Variants in ROBO2 observed in about 807,000 individuals in gnomAD.
ROBO2 encodes the protein roundabout homolog 2.
ROBO2 carries 53 observed loss-of-function variants against 160.8 expected under a neutral mutation model. That is an observed-to-expected ratio of 0.33 (90% confidence interval 0.26 to 0.41). The LOEUF is 0.41. ROBO2 is among the 10% of genes least tolerant of loss of function. ROBO2 has a pLI of 1.00. For missense variants in ROBO2, 1,577 were observed against 1,722.4 expected (o/e 0.92, Z 1.49); for synonymous variants, 664 against 611.7 (o/e 1.09, Z -1.26).
intron 2 of ROBO2, among the ~76,000 whole-genome samples, chr3:76,641,622 A>G (rs2090679147): frequency 6.6e-6 from 1 of 152,210 alleles, no homozygotes; most frequent in South Asian, 2.1e-4. Context: ...GAGAAAAACA[A>G]AAAACAAAAA....
At chr3:76,273,116 T>TGTAA (rs1403558675) in intron 2 of ROBO2, among the ~76,000 whole-genome samples, 1 of 9,306 alleles carries the variant, frequency 1.1e-4, no homozygotes, top group African/African-American at 1.5e-4. Flanking sequence ...CACACACACA[T>TGTAA]ATAAATATAT....
chr3:76,882,153 GT>G (rs1415892289), intron 2 of ROBO2, among the ~76,000 whole-genome samples: 1 of 151,612 alleles, frequency 6.6e-6, no homozygotes, highest in Non-Finnish European at 1.5e-5. Flanking sequence ...GGTTGGGGGG[GT>G]GTGTGTGCGT....
intron 2 of ROBO2, among the ~76,000 whole-genome samples, chr3:76,785,681 G>A (rs13325474): frequency 0.01 from 1,547 of 151,112 alleles, 22 homozygotes; most frequent in African/African-American, 0.035. Context: ...TGTTTTCATG[G>A]TCTGTTTACA....
chr3:76,608,602 C>A (rs1230972794), intron 2 of ROBO2, among the ~76,000 whole-genome samples: 1 of 152,112 alleles, frequency 6.6e-6, no homozygotes, highest in Non-Finnish European at 1.5e-5. Context: ...TCTATTTTTG[C>A]TTTGCTTTCC....
At chr3:76,653,861 A>C (rs564009245) in intron 2 of ROBO2, among the ~76,000 whole-genome samples, 1 of 152,290 alleles carries the variant, frequency 6.6e-6, no homozygotes, top group East Asian at 1.9e-4. Context: ...TTACCACCGA[A>C]GATTCAGCTA....
At chr3:77,310,476 T>C (rs2063452837) in intron 2 of ROBO2, among the ~76,000 whole-genome samples, 1 of 152,108 alleles carries the variant, frequency 6.6e-6, no homozygotes, top group Admixed American at 6.5e-5. Flanking sequence ...AGCATAAAAT[T>C]CCTGAAATTG....
At chr3:76,390,645 T>C (rs1417482069) in intron 2 of ROBO2, among the ~76,000 whole-genome samples, 2 of 152,194 alleles carry the variant, frequency 1.3e-5, no homozygotes, top group African/African-American at 4.8e-5. Context: ...TTTATTTATT[T>C]TTCCTCATGT....
In ROBO2 at chr3:76,552,096, T is replaced by C. The variant is rs536712902; in HGVS notation, c.110-545918T>C. On this transcript the variant is annotated intron_variant, in intron 2 of 26. Transcript: ENST00000487694. The stretch of plus-strand genomic sequence containing the variant: ...TCCTGTGACAATTGCATCTGTCTTT[T>C]TCTTACCATTATTTCTTAGACAGTA... Among the ~76,000 whole-genome samples, 14 of 152,344 alleles carry C rather than the reference T, an allele frequency of 9.2e-5. No homozygotes were observed. In the South Asian group the frequency reaches 2.7e-3, roughly 29 times the overall value.
At chr3:76,043,303 G>A (rs1292130074) in intron 2 of ROBO2, among the ~76,000 whole-genome samples, 4 of 151,532 alleles carry the variant, frequency 2.6e-5, no homozygotes, top group African/African-American at 4.9e-5. Context: ...CTCCCTTTTC[G>A]TTTGTAAGGG....
intron 2 of ROBO2, among the ~76,000 whole-genome samples, chr3:76,847,386 G>A (rs2068874120): frequency 6.6e-6 from 1 of 152,078 alleles, no homozygotes; most frequent in South Asian, 2.1e-4. Context: ...CAGCACCCAG[G>A]AATTATCAAG....
At chr3:77,266,259 G>A (rs1389453510) in intron 2 of ROBO2, among the ~76,000 whole-genome samples, 3 of 149,996 alleles carry the variant, frequency 2.0e-5, no homozygotes, top group Non-Finnish European at 4.4e-5. Flanking sequence ...TCTCTATTCA[G>A]TGCTCTAAGT....
At chr3:77,265,273 G>A (rs1320481762) in intron 2 of ROBO2, among the ~76,000 whole-genome samples, 1 of 152,106 alleles carries the variant, frequency 6.6e-6, no homozygotes, top group Non-Finnish European at 1.5e-5. Context: ...GCAGGAGTAG[G>A]CAAAGATACT....
chr3:76,811,838 T>TTCCTTCCTTCC (rs2065206592), intron 2 of ROBO2, among the ~76,000 whole-genome samples: 1 of 33,442 alleles, frequency 3.0e-5, no homozygotes, highest in African/African-American at 1.3e-4. Context: ...TCCTTCCTTC[T>TTCCTTCCTTCC]TTCCTTCCTT....
chr3:76,252,558 A>T (rs972628413), intron 2 of ROBO2, among the ~76,000 whole-genome samples: 7 of 151,154 alleles, frequency 4.6e-5, no homozygotes, highest in Non-Finnish European at 5.9e-5. Flanking sequence ...GCATATTTAC[A>T]TATGCACACA....
chr3:76,012,409 C>A (rs527241897), intron 2 of ROBO2, among the ~76,000 whole-genome samples: 6 of 152,078 alleles, frequency 3.9e-5, no homozygotes, highest in Middle Eastern at 3.2e-3. Context: ...TATATGTTTT[C>A]TTTGGCTCAC....
At chr3:76,890,941 A>G (rs1039652049) in intron 2 of ROBO2, among the ~76,000 whole-genome samples, 5 of 152,160 alleles carry the variant, frequency 3.3e-5, no homozygotes, top group Admixed American at 6.5e-5. Context: ...TGTTTGTTGA[A>G]GGTTTCTGGT....
chr3:76,832,495 T>C (rs777134675), intron 2 of ROBO2, among the ~76,000 whole-genome samples: 4 of 151,942 alleles, frequency 2.6e-5, no homozygotes, highest in Non-Finnish European at 5.9e-5. Flanking sequence ...AACGTGCAAA[T>C]TGAGGAGAGA....
intron 2 of ROBO2, among the ~76,000 whole-genome samples, chr3:76,157,815 A>C (rs2072465826): frequency 6.6e-6 from 1 of 152,158 alleles, no homozygotes; most frequent in Non-Finnish European, 1.5e-5. Context: ...CCACTCTCAT[A>C]GATTTAACTA....
intron 2 of ROBO2, among the ~76,000 whole-genome samples, chr3:77,151,446 T>A (rs1473797349): frequency 6.6e-6 from 1 of 152,140 alleles, no homozygotes; most frequent in African/African-American, 2.4e-5. Context: ...TTCTCCTGTA[T>A]TTTTGGCCTT....
Sources: allele counts gnomAD v4.1 joint callset (sites outside exome capture counted in the v4.1 genomes callset), GRCh38; gene constraint gnomAD v4.1.1; transcripts MANE v1.5; gene names NCBI Gene and HGNC (gene_info 2026-07-23, HGNC 2026-07-21).